Variants in SEMA5A observed in about 807,000 individuals in gnomAD.
The protein encoded by SEMA5A is semaphorin-5A.
SEMA5A carries 55 observed loss-of-function variants against 135.5 expected under a neutral mutation model. That is an observed-to-expected ratio of 0.41 (90% CI 0.33 to 0.51). The LOEUF is 0.51. Among genes scored for constraint, SEMA5A ranks in the 20% least tolerant of loss-of-function variants. The pLI, the probability that SEMA5A is intolerant of heterozygous loss-of-function variation, is 0.37. For missense variants in SEMA5A, 1,290 were observed against 1,419.9 expected, an observed-to-expected ratio of 0.91 and a Z score of 1.47; for synonymous variants, 580 against 546.5, an observed-to-expected ratio of 1.06 and a Z score of -0.85.
intron 16 of SEMA5A, among the ~76,000 whole-genome samples, chr5:9,068,210 C>A (rs1737580374): frequency 6.6e-6 from 1 of 152,132 alleles, no homozygotes; most frequent in East Asian, 1.9e-4. Flanking sequence ...TCTTTGTTTT[C>A]TGCTCTGATT....
chr5:9,142,322 G>T (rs1742107150), intron 12 of SEMA5A, among the ~76,000 whole-genome samples: 1 of 152,150 alleles, frequency 6.6e-6, no homozygotes, highest in African/African-American at 2.4e-5. Flanking sequence ...AGATCAGCTT[G>T]GGAAAAGCAC....
intron 8 of SEMA5A, among the ~76,000 whole-genome samples, chr5:9,216,156 G>A (rs1746611389): frequency 6.6e-6 from 1 of 152,204 alleles, no homozygotes; most frequent in South Asian, 2.1e-4. Context: ...TCCCTTAGCT[G>A]TGTCCCAGAA....
intron 7 of SEMA5A, 106 bp from the exon 8 acceptor site, chr5:9,224,993 C>T: frequency 9.3e-7 from 1 of 1,072,094 alleles, no homozygotes; most frequent in Non-Finnish European, 1.3e-6. Context: ...GCAACAGCCT[C>T]TCGGGGGCCC....
rs562078445 is a variant in SEMA5A at position 9,534,879 on chromosome 5, C to G, written c.-175+10705G>C. ...TAGACAATTCCTCAATAGATACTCT[C>G]TTTAAAAATGCCTTTCAGGATTTCA... On this transcript the variant is annotated intron_variant, in intron 1 of 22. Coordinates refer to ENST00000382496, the MANE Select transcript of SEMA5A (RefSeq NM_003966.3). Among the ~76,000 whole-genome samples, 145 of 152,324 alleles carry G rather than the reference C, an allele frequency of 9.5e-4. 1 individual carries two copies. Among genetic ancestry groups the G allele is most frequent in the African/African-American group, 3.2e-3 (135 of 41,574 alleles).
At chr5:9,497,039 A>T (rs1735338250) in intron 1 of SEMA5A, among the ~76,000 whole-genome samples, 1 of 152,258 alleles carries the variant, frequency 6.6e-6, no homozygotes, top group African/African-American at 2.4e-5. Context: ...AATCTGGTAC[A>T]GTCTTACAAA....
At chr5:9,460,200 A>C (rs976859740) in intron 1 of SEMA5A, among the ~76,000 whole-genome samples, 1 of 152,196 alleles carries the variant, frequency 6.6e-6, no homozygotes, top group Non-Finnish European at 1.5e-5. Context: ...ATACAAATGA[A>C]GAATCTGATT....
intron 8 of SEMA5A, among the ~76,000 whole-genome samples, chr5:9,219,589 A>G (rs1223495988): frequency 6.6e-6 from 1 of 152,210 alleles, no homozygotes; most frequent in Non-Finnish European, 1.5e-5. Context: ...AGGCATGGAC[A>G]GAGGGAAGAC....
intron 1 of SEMA5A, among the ~76,000 whole-genome samples, chr5:9,466,499 T>A (rs951018060): frequency 1.3e-5 from 2 of 152,088 alleles, no homozygotes; most frequent in Non-Finnish European, 2.9e-5. Flanking sequence ...GCAGTGAAGT[T>A]ATTTATGAGA....
intron 1 of SEMA5A, among the ~76,000 whole-genome samples, chr5:9,452,535 G>T (rs1402300465): frequency 1.3e-5 from 2 of 152,110 alleles, no homozygotes. Context: ...GGGCAAACAG[G>T]GTGGCATTCT....
rs560731908 is a variant in SEMA5A, at chr5:9,051,538, A to C, written c.2845+335T>G. On this transcript the variant is annotated intron_variant, in intron 20 of 22. Transcript: ENST00000382496. ...GTGCATACACAGCGAGCACTGCCTA[A>C]ACATTTAACCTAATATTAAAATAAC... 3.0e-4 allele frequency among the ~76,000 whole-genome samples: 45 copies of C among 152,334 alleles called. 2 individuals are homozygous for C. The highest frequency in any genetic ancestry group is 2.0e-4 in the Admixed American group (3 of 15,292).
In SEMA5A at chr5:9,044,373, C is replaced by T; in HGVS notation, c.3105G>A (p.Lys1035=). The T allele has an allele frequency of 1.9e-6, 3 of 1,612,068 alleles. No homozygotes were observed. Among genetic ancestry groups the T allele is most frequent in the South Asian group, 2.2e-5 (2 of 90,992 alleles). ...AGCAGAAATATTAAAATTCACTTAC[C>T]TTGATGGCCTCCACCGAGTCGTACT... ...LDKYDSVEAI[K]AFNKNNLILE... Residue 1035 remains lysine, a splice_region_variant and synonymous_variant, in exon 22 of 23, where the codon AAG becomes AAA. Transcript: ENST00000382496.
At chr5:9,534,640 A>G (rs1737654602) in intron 1 of SEMA5A, among the ~76,000 whole-genome samples, 1 of 152,194 alleles carries the variant, frequency 6.6e-6, no homozygotes. Flanking sequence ...CGTGCAAGAA[A>G]GAATTCAAGG....
At chr5:9,264,006 T>G (rs2150522792) in intron 5 of SEMA5A, among the ~76,000 whole-genome samples, 1 of 152,318 alleles carries the variant, frequency 6.6e-6, no homozygotes, top group Middle Eastern at 3.4e-3. Flanking sequence ...TAAACTAATT[T>G]TAGGATTGGA....
At chr5:9,358,699 C>T (rs2126357359) in intron 3 of SEMA5A, among the ~76,000 whole-genome samples, 1 of 152,298 alleles carries the variant, frequency 6.6e-6, no homozygotes, top group East Asian at 1.9e-4. Flanking sequence ...ATGTCAAACA[C>T]ATTGATGAAT....
intron 21 of SEMA5A, among the ~76,000 whole-genome samples, chr5:9,047,519 T>G (rs1736332949): frequency 6.6e-6 from 1 of 152,226 alleles, no homozygotes; most frequent in Admixed American, 6.5e-5. Flanking sequence ...ATGTGCTTAC[T>G]ATAGTTCTTT....
intron 1 of SEMA5A, among the ~76,000 whole-genome samples, chr5:9,459,027 AT>A (rs1210824660): frequency 2.0e-5 from 3 of 152,182 alleles, no homozygotes; most frequent in African/African-American, 7.2e-5. Context: ...AACCAGAATG[AT>A]TTTTATCAAT....
chr5:9,201,735 C>A (rs1366315189), intron 9 of SEMA5A, among the ~76,000 whole-genome samples: 2 of 152,174 alleles, frequency 1.3e-5, no homozygotes, highest in Non-Finnish European at 2.9e-5. Context: ...TTGACAAAAA[C>A]TTTCTTGATT....
chr5:9,490,627 G>T (rs1372288283), intron 1 of SEMA5A, among the ~76,000 whole-genome samples: 1 of 152,178 alleles, frequency 6.6e-6, no homozygotes, highest in Non-Finnish European at 1.5e-5. Context: ...GTCACGTGCA[G>T]CTCTTAAAAT....
At chr5:9,133,491 A>G (rs1292878321) in intron 13 of SEMA5A, among the ~76,000 whole-genome samples, 1 of 152,202 alleles carries the variant, frequency 6.6e-6, no homozygotes, top group East Asian at 1.9e-4. Flanking sequence ...GATGACAGAC[A>G]TAGTTTTGTG....
Sources: allele counts gnomAD v4.1 joint callset (sites outside exome capture counted in the v4.1 genomes callset), GRCh38; gene constraint gnomAD v4.1.1; transcripts MANE v1.5; gene names NCBI Gene and HGNC (gene_info 2026-07-23, HGNC 2026-07-21).